UBAC2: variants seen among roughly 807,000 people sequenced by gnomAD.
UBAC2 encodes the protein UBA domain containing 2, also known as ubiquitin-associated domain-containing protein 2.
UBAC2 carries 26 observed loss-of-function variants against 44.0 expected under a neutral mutation model. The observed-to-expected ratio is 0.59, with a 90% CI of 0.43 to 0.82. The LOEUF is 0.82. Ranked by LOEUF, UBAC2 falls within the 40% of genes least tolerant of loss-of-function variation. The probability of loss-of-function intolerance (pLI) is 0.00; values close to 1 mark genes in which losing one functional copy is unlikely to be tolerated. For synonymous variants in UBAC2, 155 were observed against 154.3 expected (o/e 1.00, Z -0.04); for missense variants, 329 against 419.4 (o/e 0.78, Z 1.88).
chr13:99,221,660 G>A (rs1434747672), intron 1 of UBAC2, among the ~76,000 whole-genome samples: 12 of 152,168 alleles, frequency 7.9e-5, no homozygotes, highest in Admixed American at 7.9e-4. Context: ...GAGGATGGAA[G>A]CTGATGGATA....
At chr13:99,282,857 C>A (rs1242126113) in intron 4 of UBAC2, among the ~76,000 whole-genome samples, 8 of 152,096 alleles carry the variant, frequency 5.3e-5, no homozygotes. Flanking sequence ...TAATCTCATA[C>A]CTGTCTTAGG....
rs116915753 is a variant in UBAC2, at chr13:99,206,529, A to G, written c.31+5590A>G. Among the ~76,000 whole-genome samples, 20 of 152,286 alleles carry G rather than the reference A, an allele frequency of 1.3e-4. No individual in the cohort carries two copies. The East Asian group carries it at 3.9e-3, about 29-fold the overall frequency. Reference sequence around the variant, plus strand: ...TCTGATCCCTCCTTGTCTCCAGTGTATCAGCCCATTTGTGGCATCTCTTTC... The same window carrying G: ...TCTGATCCCTCCTTGTCTCCAGTGTGTCAGCCCATTTGTGGCATCTCTTTC... On this transcript the variant is annotated intron_variant, in intron 1 of 8. Coordinates refer to ENST00000403766, the MANE Select transcript of UBAC2 (RefSeq NM_001144072.2).
At chr13:99,286,842 A>G (rs2044024600) in intron 4 of UBAC2, among the ~76,000 whole-genome samples, 1 of 152,202 alleles carries the variant, frequency 6.6e-6, no homozygotes, top group Non-Finnish European at 1.5e-5. Context: ...GAATGTGGCC[A>G]GTGCGCGTCC....
intron 6 of UBAC2, 34 bp downstream of exon 6, chr13:99,318,103 T>C: frequency 6.4e-7 from 1 of 1,574,738 alleles, no homozygotes; most frequent in African/African-American, 1.4e-5. Flanking sequence ...CCCAATTCTC[T>C]CTCTCTCCTG....
intron 1 of UBAC2, among the ~76,000 whole-genome samples, chr13:99,229,641 A>G (rs2043150558): frequency 6.6e-6 from 1 of 152,374 alleles, no homozygotes; most frequent in South Asian, 2.1e-4. Context: ...AAGGTGATGC[A>G]GGACCGTAAA....
intron 4 of UBAC2, among the ~76,000 whole-genome samples, chr13:99,273,968 A>C (rs536929130): frequency 2.6e-5 from 4 of 151,944 alleles, no homozygotes; most frequent in South Asian, 4.2e-4. Context: ...TTTTAAAATA[A>C]ATTTTTATTG....
rs759949737 is a variant in UBAC2, at chr13:99,295,095, T to C, written c.390-19002T>C. The stretch of plus-strand genomic sequence containing the variant: ...TTTGAAGACTTGGAATGTATCATCA[T>C]CTGCGTTTCTGTCATTTCACGTGAA... On this transcript the variant is annotated intron_variant, in intron 4 of 8. Transcript: ENST00000403766. This position sits in a 1 kb window ranked among gnomAD's most constrained non-coding sequence, Gnocchi z 4.1. 1.9e-6 allele frequency: 3 copies of C among 1,613,994 alleles called. No homozygotes were observed. The African/African-American group carries it at 4.0e-5, about 22-fold the overall frequency.
intron 7 of UBAC2, among the ~76,000 whole-genome samples, chr13:99,354,619 G>C (rs1318802419): frequency 6.6e-6 from 1 of 151,686 alleles, no homozygotes; most frequent in Non-Finnish European, 1.5e-5. Flanking sequence ...ACTTTAGGTG[G>C]CAGGGACAGT....
intron 6 of UBAC2, among the ~76,000 whole-genome samples, chr13:99,327,159 T>C (rs1002958697): frequency 6.6e-6 from 1 of 152,248 alleles, no homozygotes; most frequent in African/African-American, 2.4e-5. Flanking sequence ...ACTCACTGTC[T>C]TGTATTTCTT....
At chr13:99,319,009 T>C (rs2044533386) in intron 6 of UBAC2, among the ~76,000 whole-genome samples, 1 of 151,698 alleles carries the variant, frequency 6.6e-6, no homozygotes, top group Non-Finnish European at 1.5e-5. Context: ...GATAGTCTGC[T>C]CATTTTGTAA....
Position 99,355,981 on chromosome 13 carries a change from CTT to C in UBAC2, c.808-11805_808-11804del, listed in dbSNP as rs1312755030. On this transcript the variant is annotated intron_variant, in intron 7 of 8. Transcript: ENST00000403766. ...TGAAACAAAGGGAAAACCTGTCTCTCTTGGGTTTGCAGCTGCTGTTGAAACCA... is the reference window on the plus strand; with the variant it reads ...TGAAACAAAGGGAAAACCTGTCTCTCGGGTTTGCAGCTGCTGTTGAAACCA... 74 of 376,256 alleles carry C rather than the reference CTT, an allele frequency of 2.0e-4. No homozygotes were observed. The East Asian group carries it at 2.8e-3, about 14-fold the overall frequency. The allele number at this position is 376,256 out of a possible 1,614,324, so 23.3% of individuals were successfully genotyped here. A position where few individuals can be genotyped will look rare whatever the true frequency, so the allele number is the denominator to read the frequency against.
intron 4 of UBAC2, chr13:99,313,184 C>T (rs2050972169): frequency 1.3e-5 from 2 of 152,104 alleles, no homozygotes; most frequent in Admixed American, 1.3e-4. Context: ...CGGGGTTTCA[C>T]CGTGTTAGCC....
intron 7 of UBAC2, 52 bp from the exon 8 acceptor site, chr13:99,367,735 T>A (rs748188853): frequency 1.2e-6 from 2 of 1,612,606 alleles, no homozygotes; most frequent in Non-Finnish European, 1.7e-6. Context: ...CCAAGCATTA[T>A]GATGATTCTG....
chr13:99,313,654 T>C (rs1255429941), intron 4 of UBAC2, among the ~76,000 whole-genome samples: 1 of 150,486 alleles, frequency 6.6e-6, no homozygotes, highest in Non-Finnish European at 1.5e-5. Context: ...GAGGAAGGAA[T>C]GTGAGGAAGG....
At chr13:99,341,623 C>T (rs1386569677) in intron 7 of UBAC2, among the ~76,000 whole-genome samples, 1 of 152,104 alleles carries the variant, frequency 6.6e-6, no homozygotes, top group Non-Finnish European at 1.5e-5. Flanking sequence ...GATGGAGTCA[C>T]CTCTGTAGGG....
chr13:99,370,986 C>T (rs991990826), intron 8 of UBAC2, among the ~76,000 whole-genome samples: 3 of 152,102 alleles, frequency 2.0e-5, no homozygotes, highest in Non-Finnish European at 4.4e-5. Context: ...ATCAAAATTC[C>T]GTTATGTTAC....
chr13:99,204,332 T>G (rs1406109120), intron 1 of UBAC2, among the ~76,000 whole-genome samples: 1 of 152,062 alleles, frequency 6.6e-6, no homozygotes, highest in East Asian at 1.9e-4. Context: ...TTTTGAGAGT[T>G]TGGCAGGCAT....
At chr13:99,317,446 G>C (rs1203233705) in intron 5 of UBAC2, among the ~76,000 whole-genome samples, 2 of 152,006 alleles carry the variant, frequency 1.3e-5, no homozygotes, top group Admixed American at 6.6e-5. Context: ...AATTACTTTT[G>C]CCATTAATTA....
intron 1 of UBAC2, among the ~76,000 whole-genome samples, chr13:99,218,611 C>G (rs1197098753): frequency 6.6e-6 from 1 of 152,070 alleles, no homozygotes; most frequent in Non-Finnish European, 1.5e-5. Flanking sequence ...GAGCCAGGCA[C>G]TCTGCCCGGT....
Sources: gnomAD v4.1 joint callset for allele counts (sites outside exome capture counted in the v4.1 genomes callset) on GRCh38, gnomAD v4.1.1 for gene constraint, Gnocchi (gnomAD v3.1) non-coding constraint, MANE v1.5 for transcripts, NCBI Gene and HGNC (gene_info 2026-07-23, HGNC 2026-07-21) for gene names.